Variants in CSMD1 observed in about 807,000 individuals in gnomAD.
The protein encoded by CSMD1 is CUB and Sushi multiple domains 1, also known as CUB and sushi domain-containing protein 1.
In CSMD1, 213 loss-of-function variants were observed where a neutral mutation model predicts 417.5. The ratio of observed to expected loss-of-function variants is 0.51; its 90% CI spans 0.46 to 0.57. The LOEUF is 0.57. Among genes scored for constraint, CSMD1 ranks in the 20% least tolerant of loss-of-function variants. The pLI is 0.00. For synonymous variants in CSMD1, 2,862 were observed against 1,736.8 expected (o/e 1.65, Z -16.11); for missense variants, 6,923 against 4,529.7 (o/e 1.53, Z -15.17).
chr8:3,558,929 T>A (rs976772748), intron 10 of CSMD1, among the ~76,000 whole-genome samples: 1 of 152,146 alleles, frequency 6.6e-6, no homozygotes, highest in South Asian at 2.1e-4. Context: ...AGCACCACGA[T>A]TCGAGGTCCC....
intron 1 of CSMD1, among the ~76,000 whole-genome samples, chr8:4,948,413 G>A (rs1808510459): frequency 6.6e-6 from 1 of 151,304 alleles, no homozygotes. Flanking sequence ...TCATTCATTG[G>A]GCATATCTAT....
intron 49 of CSMD1, among the ~76,000 whole-genome samples, chr8:3,063,002 T>C (rs1213087705): frequency 6.6e-6 from 1 of 152,140 alleles, no homozygotes; most frequent in South Asian, 2.1e-4. Flanking sequence ...GAACGTAAAG[T>C]GACACTGCTG....
chr8:3,333,257 C>A (rs555140081), intron 23 of CSMD1, among the ~76,000 whole-genome samples: 1 of 152,228 alleles, frequency 6.6e-6, no homozygotes, highest in African/African-American at 2.4e-5. Context: ...CGTGTCTGGG[C>A]TCCTGACCCA....
intron 62 of CSMD1, among the ~76,000 whole-genome samples, chr8:2,959,530 G>A (rs949041466): frequency 1.4e-4 from 21 of 152,010 alleles, no homozygotes; most frequent in African/African-American, 5.1e-4. Context: ...TTTACTGGCA[G>A]AAAGAAAATA....
At chr8:3,187,210 G>A (rs564302343) in intron 36 of CSMD1, among the ~76,000 whole-genome samples, 22 of 152,316 alleles carry the variant, frequency 1.4e-4, no homozygotes, top group African/African-American at 5.1e-4. Flanking sequence ...CTATTACAGT[G>A]TAATGCTATT....
chr8:3,955,121 C>G (rs1298965109), intron 5 of CSMD1, among the ~76,000 whole-genome samples: 1 of 152,206 alleles, frequency 6.6e-6, no homozygotes, highest in Non-Finnish European at 1.5e-5. Context: ...CTGCCCCCCT[C>G]ATACCTAACT....
intron 2 of CSMD1, among the ~76,000 whole-genome samples, chr8:4,517,421 T>C (rs554462252): frequency 6.6e-6 from 1 of 152,304 alleles, no homozygotes; most frequent in South Asian, 2.1e-4. Flanking sequence ...AACACGCAGA[T>C]AATAAAGAAG....
chr8:4,574,220 G>A (rs1433547299), intron 2 of CSMD1, among the ~76,000 whole-genome samples: 2 of 152,156 alleles, frequency 1.3e-5, no homozygotes, highest in Admixed American at 6.5e-5. Context: ...CAGCTGCCGA[G>A]TTTTTTCCTT....
intron 23 of CSMD1, among the ~76,000 whole-genome samples, chr8:3,321,367 C>T (rs757718223): frequency 6.6e-5 from 10 of 152,170 alleles, no homozygotes; most frequent in Non-Finnish European, 1.2e-4. Flanking sequence ...TCCTCCCTGC[C>T]CTTTAAGATC....
intron 3 of CSMD1, among the ~76,000 whole-genome samples, chr8:4,330,006 C>T (rs920940732): frequency 4.6e-5 from 7 of 152,148 alleles, no homozygotes; most frequent in Non-Finnish European, 7.4e-5. Flanking sequence ...ACCATGCTTC[C>T]TGTACAGCAT....
At chr8:4,402,069 T>TG (rs1167435153) in intron 3 of CSMD1, among the ~76,000 whole-genome samples, 1 of 152,154 alleles carries the variant, frequency 6.6e-6, no homozygotes, top group African/African-American at 2.4e-5. Flanking sequence ...TCTAACCCCA[T>TG]GGCTTCCTTT....
At chr8:4,414,916 T>A (rs1238152786) in intron 3 of CSMD1, among the ~76,000 whole-genome samples, 4 of 152,170 alleles carry the variant, frequency 2.6e-5, no homozygotes, top group African/African-American at 9.7e-5. Context: ...GAATTCAGAA[T>A]TCATTTAATC....
At chr8:3,535,850 G>C (rs191138101) in intron 10 of CSMD1, among the ~76,000 whole-genome samples, 1 of 152,124 alleles carries the variant, frequency 6.6e-6, no homozygotes, top group Non-Finnish European at 1.5e-5. Context: ...ATGAAGTGTG[G>C]TATTTGGCCC....
intron 2 of CSMD1, among the ~76,000 whole-genome samples, chr8:4,552,570 G>A (rs1436045839): frequency 6.6e-6 from 1 of 152,042 alleles, no homozygotes; most frequent in Non-Finnish European, 1.5e-5. Flanking sequence ...AGTATCTTGG[G>A]CATCCGGTTC....
intron 3 of CSMD1, among the ~76,000 whole-genome samples, chr8:4,389,724 A>T (rs1362528072): frequency 1.3e-5 from 2 of 152,142 alleles, no homozygotes; most frequent in African/African-American, 2.4e-5. Context: ...TGTATATTTT[A>T]AAATTGGCAT....
chr8:4,075,433 G>A (rs1273230335), intron 3 of CSMD1, among the ~76,000 whole-genome samples: 1 of 151,988 alleles, frequency 6.6e-6, no homozygotes, highest in Admixed American at 6.6e-5. Context: ...TTTTATATCT[G>A]CTAATACTAA....
chr8:4,386,256 C>A (rs1584994787), intron 3 of CSMD1, among the ~76,000 whole-genome samples: 1 of 151,642 alleles, frequency 6.6e-6, no homozygotes. Context: ...AGACATTCTC[C>A]TACCTTCCAT....
At chr8:4,934,029 T>C (rs1262916833) in intron 1 of CSMD1, among the ~76,000 whole-genome samples, 7 of 151,924 alleles carry the variant, frequency 4.6e-5, no homozygotes, top group Non-Finnish European at 1.0e-4. Context: ...AAGGTTTTGA[T>C]GATGAGATAA....
chr8:4,117,579 T>C (rs146887436), intron 3 of CSMD1, among the ~76,000 whole-genome samples: 38 of 152,284 alleles, frequency 2.5e-4, no homozygotes, highest in African/African-American at 7.9e-4. Flanking sequence ...CAATAAATGA[T>C]GGCAATGATT....
Sources: gnomAD v4.1 joint callset for allele counts (sites outside exome capture counted in the v4.1 genomes callset) on GRCh38, gnomAD v4.1.1 for gene constraint, MANE v1.5 for transcripts, NCBI Gene and HGNC (gene_info 2026-07-23, HGNC 2026-07-21) for gene names.